The following DLGAP2 variants were observed in gnomAD, a reference collection of about 807,000 sequenced individuals.
The protein encoded by DLGAP2 is DLG associated protein 2.
DLGAP2 carries 26 observed loss-of-function variants against 100.3 expected under a neutral mutation model. The observed-to-expected ratio is 0.26, with a 90% CI of 0.19 to 0.36. DLGAP2 has a LOEUF of 0.36. DLGAP2 is among the 10% of genes least tolerant of loss of function. The pLI is 1.00. For synonymous variants in DLGAP2, 886 were observed against 630.1 expected (o/e 1.41, Z -6.08); for missense variants, 1,858 against 1,453.2 (o/e 1.28, Z -4.53).
At chr8:1,665,694 C>T (rs545080372) in intron 8 of DLGAP2, among the ~76,000 whole-genome samples, 70 of 152,222 alleles carry the variant, frequency 4.6e-4, no homozygotes, top group Non-Finnish European at 8.2e-4. Flanking sequence ...CTGGAGAGGT[C>T]ATTGAGAGCC....
At chr8:1,068,657 G>A (rs979380651) in intron 2 of DLGAP2, among the ~76,000 whole-genome samples, 2 of 152,148 alleles carry the variant, frequency 1.3e-5, no homozygotes, top group Non-Finnish European at 2.9e-5. Context: ...AGGACGGAGG[G>A]AGGGAAGTGC....
intron 3 of DLGAP2, among the ~76,000 whole-genome samples, chr8:1,490,252 C>A (rs541107823): frequency 6.6e-6 from 1 of 152,248 alleles, no homozygotes; most frequent in South Asian, 2.1e-4. Context: ...TTGCACAATA[C>A]CCAGAACAAG....
At chr8:1,413,922 A>C (rs1379177309) in intron 3 of DLGAP2, among the ~76,000 whole-genome samples, 1 of 151,398 alleles carries the variant, frequency 6.6e-6, no homozygotes, top group African/African-American at 2.4e-5. Flanking sequence ...TTTTTTTTTC[A>C]AAAAGAGCTC....
intron 2 of DLGAP2, among the ~76,000 whole-genome samples, chr8:1,216,426 C>G (rs1324168345): frequency 1.3e-5 from 2 of 152,044 alleles, no homozygotes; most frequent in South Asian, 2.1e-4. Flanking sequence ...TTGGCTCACT[C>G]TAGCCTTGAA....
chr8:1,022,130 G>T (rs2129024825), intron 2 of DLGAP2, among the ~76,000 whole-genome samples: 1 of 152,276 alleles, frequency 6.6e-6, no homozygotes, highest in South Asian at 2.1e-4. Flanking sequence ...TGAGGGCCAT[G>T]TCCGAGCCAC....
At chr8:1,574,146 G>A (rs1358973631) in intron 6 of DLGAP2, among the ~76,000 whole-genome samples, 1 of 152,114 alleles carries the variant, frequency 6.6e-6, no homozygotes, top group Admixed American at 6.5e-5. Flanking sequence ...ACGGGAGAGG[G>A]AAATAATATT....
chr8:1,267,921 A>G (rs1294947516), intron 3 of DLGAP2, among the ~76,000 whole-genome samples: 1 of 152,160 alleles, frequency 6.6e-6, no homozygotes, highest in African/African-American at 2.4e-5. Context: ...AAATACATAA[A>G]GCTGGCTTCA....
intron 1 of DLGAP2, among the ~76,000 whole-genome samples, chr8:885,690 G>C (rs542289328): frequency 2.0e-5 from 3 of 152,254 alleles, no homozygotes; most frequent in East Asian, 1.9e-4. Context: ...GGGCCTCCTC[G>C]TCTTGTGCTG....
chr8:1,376,349 C>T (rs1032654326), intron 3 of DLGAP2, among the ~76,000 whole-genome samples: 1 of 152,254 alleles, frequency 6.6e-6, no homozygotes, highest in Non-Finnish European at 1.5e-5. Flanking sequence ...ACCGCAGTCC[C>T]TCTAGAGAGC....
At chr8:826,272 A>G (rs972886825) in intron 1 of DLGAP2, among the ~76,000 whole-genome samples, 10 of 152,194 alleles carry the variant, frequency 6.6e-5, no homozygotes, top group Non-Finnish European at 1.3e-4. Context: ...TTGTAAACAG[A>G]GCTGCAGTCA....
At chr8:1,386,935 G>A (rs553938771) in intron 3 of DLGAP2, among the ~76,000 whole-genome samples, 1 of 152,314 alleles carries the variant, frequency 6.6e-6, no homozygotes, top group Middle Eastern at 3.4e-3. Context: ...AAGGTAAAAT[G>A]TTGTATGAGG....
chr8:1,646,790 G>C (rs530585730), intron 8 of DLGAP2, among the ~76,000 whole-genome samples: 98 of 152,164 alleles, frequency 6.4e-4, no homozygotes, highest in African/African-American at 2.2e-3. Context: ...TGGTGTGTCA[G>C]GAGTGAAGGG....
chr8:1,201,594 G>T (rs1459681466), intron 2 of DLGAP2, among the ~76,000 whole-genome samples: 2 of 152,218 alleles, frequency 1.3e-5, no homozygotes, highest in African/African-American at 2.4e-5. Flanking sequence ...CACCGGCACG[G>T]CAGGGGTAGA....
intron 1 of DLGAP2, among the ~76,000 whole-genome samples, chr8:771,664 C>G (rs111683076): frequency 6.6e-6 from 1 of 152,198 alleles, no homozygotes; most frequent in African/African-American, 2.4e-5. Flanking sequence ...TACCCAGAGA[C>G]GCATTGAACA....
chr8:844,720 A>G (rs1797042842), intron 1 of DLGAP2, among the ~76,000 whole-genome samples: 1 of 152,248 alleles, frequency 6.6e-6, no homozygotes, highest in South Asian at 2.1e-4. Flanking sequence ...TTTATTAACA[A>G]ATTTACTTAT....
chr8:1,392,682 G>A (rs984667501), intron 3 of DLGAP2, among the ~76,000 whole-genome samples: 1 of 152,234 alleles, frequency 6.6e-6, no homozygotes, highest in Non-Finnish European at 1.5e-5. Context: ...TCTGGGGACT[G>A]GGCCAGGCCT....
intron 3 of DLGAP2, among the ~76,000 whole-genome samples, chr8:1,459,742 G>A (rs1332792163): frequency 4.2e-5 from 6 of 141,820 alleles, no homozygotes; most frequent in African/African-American, 1.3e-4. Flanking sequence ...CTGGAGTGCA[G>A]TGGCACAATC....
Position 1,417,660 on chromosome 8 carries a change from CCTCA to C in DLGAP2, c.107-83702_107-83699del, listed in dbSNP as rs756092716. Among the ~76,000 whole-genome samples the C allele has an allele frequency of 7.5e-3, 1,027 of 136,262 alleles. 55 individuals are homozygous for C. The highest frequency in any genetic ancestry group is 0.011 in the African/African-American group (381 of 34,158). 89.4% of individuals were successfully genotyped at this position (136,262 alleles called of 152,430 possible). ...GGGGGCACGGGGAGCCCCACTCCTG[CCTCA>C]CTCCGCGAGGCTCCAGGGGGGCACA... is the stretch of plus-strand genomic sequence containing the variant. On this transcript the variant is annotated intron_variant, in intron 3 of 14. Coordinates refer to ENST00000637795, the MANE Select transcript of DLGAP2 (RefSeq NM_001346810.2).
At chr8:949,706 C>T (rs555551076) in intron 2 of DLGAP2, among the ~76,000 whole-genome samples, 2 of 152,190 alleles carry the variant, frequency 1.3e-5, no homozygotes, top group Non-Finnish European at 2.9e-5. Context: ...CCCCGGTTGT[C>T]CTCAGGTCAG....
Sources: allele counts gnomAD v4.1 joint callset (sites outside exome capture counted in the v4.1 genomes callset), GRCh38; gene constraint gnomAD v4.1.1; transcripts MANE v1.5; gene names NCBI Gene and HGNC (gene_info 2026-07-23, HGNC 2026-07-21).